TKT: variants seen among roughly 807,000 people sequenced by gnomAD.
The protein encoded by TKT is transketolase.
Under a neutral mutation model 63.9 loss-of-function variants are expected in TKT, and 47 were observed. The observed-to-expected ratio is 0.74, with a 90% CI of 0.58 to 0.94. The LOEUF is 0.94. Among genes scored for constraint, TKT ranks in the 40% least tolerant of loss-of-function variants. The pLI is 0.00. For synonymous variants in TKT, 338 were observed against 334.1 expected, an observed-to-expected ratio of 1.01 and a Z score of -0.13; for missense variants, 721 against 846.2, an observed-to-expected ratio of 0.85 and a Z score of 1.84.
chr3:53,245,448 C>T (rs1553680745), intron 1 of TKT, among the ~76,000 whole-genome samples: 1 of 152,132 alleles, frequency 6.6e-6, no homozygotes, highest in Non-Finnish European at 1.5e-5. Context: ...AAGAAAAGGC[C>T]AGAGAGGCTC....
intron 12 of TKT, chr3:53,227,608 C>T (rs782810542): frequency 4.9e-5 from 8 of 163,888 alleles, no homozygotes; most frequent in Non-Finnish European, 8.0e-5. Context: ...ACTGTGAGCT[C>T]GCAGTAATAA....
chr3:53,240,897 C>T (rs1245456966), intron 3 of TKT, among the ~76,000 whole-genome samples: 1 of 152,208 alleles, frequency 6.6e-6, no homozygotes, highest in African/African-American at 2.4e-5. Flanking sequence ...GAGGCCCTCC[C>T]TGAAGTCATC....
intron 1 of TKT, among the ~76,000 whole-genome samples, chr3:53,254,286 C>T (rs1207537653): frequency 1.3e-5 from 2 of 152,202 alleles, no homozygotes; most frequent in African/African-American, 4.8e-5. Flanking sequence ...TACCGTGTGC[C>T]AGGCTGGTGA....
chr3:53,228,726 C>T, intron 10 of TKT: 1 of 536,256 alleles, frequency 1.9e-6, no homozygotes, highest in Non-Finnish European at 3.3e-6. Flanking sequence ...TTGGAGAACC[C>T]AACTCAGGAG....
chr3:53,255,161 C>T (rs573325528), intron 1 of TKT, among the ~76,000 whole-genome samples: 2 of 152,378 alleles, frequency 1.3e-5, no homozygotes, highest in African/African-American at 4.8e-5. Flanking sequence ...CAATCAGCCC[C>T]GCCGCTGCCT....
At chr3:53,245,306 C>CAA (rs781814492) in intron 1 of TKT, among the ~76,000 whole-genome samples, 147 of 92,106 alleles carry the variant, frequency 1.6e-3, no homozygotes, top group Middle Eastern at 6.5e-3. Flanking sequence ...CACTCCATCT[C>CAA]AAAAAAAAAA....
At chr3:53,254,852 C>A in intron 1 of TKT, among the ~76,000 whole-genome samples, 1 of 152,220 alleles carries the variant, frequency 6.6e-6, no homozygotes, top group South Asian at 2.1e-4. Flanking sequence ...TCCCTGTCTC[C>A]GCTACAGAGG....
chr3:53,243,815 AG>A (rs1220535335), intron 1 of TKT, among the ~76,000 whole-genome samples: 2 of 152,124 alleles, frequency 1.3e-5, no homozygotes, highest in Non-Finnish European at 2.9e-5. Context: ...CCCGGCCCTG[AG>A]GGGTCCTGTT....
chr3:53,247,185 C>T (rs764745502), intron 1 of TKT, among the ~76,000 whole-genome samples: 30 of 151,546 alleles, frequency 2.0e-4, no homozygotes, highest in Non-Finnish European at 4.0e-4. Flanking sequence ...GGTGAAACCC[C>T]GTCTCTACTA....
intron 1 of TKT, 64 bp from the exon 2 acceptor site, chr3:53,242,306 C>A: frequency 1.3e-6 from 2 of 1,505,506 alleles, no homozygotes; most frequent in South Asian, 2.3e-5. Flanking sequence ...CTATTGTGCT[C>A]AGCTGTACAG....
intron 10 of TKT, chr3:53,228,795 G>A (rs1413799941): frequency 4.4e-6 from 3 of 681,202 alleles, no homozygotes; most frequent in Non-Finnish European, 7.3e-6. Context: ...AGCAGAGACA[G>A]ACTGGCAATC....
intron 4 of TKT, 79 bp from the exon 5 acceptor site, chr3:53,235,253 C>A (rs1704970479): frequency 7.4e-7 from 1 of 1,359,146 alleles, no homozygotes; most frequent in Admixed American, 3.0e-5. Flanking sequence ...ATCCAAGGAG[C>A]CTGCATTCTG....
chr3:53,252,703 G>T (rs1431303465), intron 1 of TKT, among the ~76,000 whole-genome samples: 1 of 152,074 alleles, frequency 6.6e-6, no homozygotes, highest in Non-Finnish European at 1.5e-5. Context: ...CACTCTTTTG[G>T]AGCACCCTAC....
chr3:53,226,937 G>T (rs1704526205), intron 12 of TKT, 59 bp from the exon 13 acceptor site: 14 of 1,543,756 alleles, frequency 9.1e-6, no homozygotes, highest in Middle Eastern at 1.7e-4. Flanking sequence ...TATCTGCCCT[G>T]GTGGGGGCCT....
chr3:53,234,510 T>C (rs73840274), intron 5 of TKT: 26,740 of 152,702 alleles, frequency 0.18, 2,455 homozygotes, highest in South Asian at 0.29. Flanking sequence ...TTGTAACCAA[T>C]CAAGGCCGAA....
chr3:53,244,554 G>A (rs965594844), intron 1 of TKT, among the ~76,000 whole-genome samples: 1 of 152,180 alleles, frequency 6.6e-6, no homozygotes, highest in East Asian at 1.9e-4. Flanking sequence ...CAAGAGGGGA[G>A]AAATACACCA....
chr3:53,240,196 C>T, intron 4 of TKT, 55 bp downstream of exon 4: 1 of 1,562,844 alleles, frequency 6.4e-7, no homozygotes, highest in East Asian at 2.3e-5. Flanking sequence ...GGTGGGTCAC[C>T]CAAGGACCAC....
Position 53,226,023 on chromosome 3 carries a change from A to C in TKT, c.1697-92T>G, listed in dbSNP as rs1294282840. ...TGTCAGCCTTAGTCAAGGATGGAGG[A>C]GGCTGCATATGCACTGCCTTTCTCC... On this transcript the variant is annotated intron_variant, in intron 13 of 13. Transcript: ENST00000462138. 6.2e-6 allele frequency: 8 copies of C among 1,288,856 alleles called. No individual in the cohort carries two copies. The African/African-American group carries it at 1.2e-4, about 19-fold the overall frequency. The allele number at this position is 1,288,856 out of a possible 1,614,324, so 79.8% of individuals were successfully genotyped here. A position where few individuals can be genotyped will look rare whatever the true frequency, so the allele number is the denominator to read the frequency against.
chr3:53,253,492 C>T (rs922941551), intron 1 of TKT, among the ~76,000 whole-genome samples: 48 of 152,214 alleles, frequency 3.2e-4, no homozygotes, highest in African/African-American at 1.1e-3. Context: ...AATGTTTGGC[C>T]GGGGGCAGTG....
Sources: allele counts gnomAD v4.1 joint callset (sites outside exome capture counted in the v4.1 genomes callset), GRCh38; gene constraint gnomAD v4.1.1; transcripts MANE v1.5; gene names NCBI Gene and HGNC (gene_info 2026-07-23, HGNC 2026-07-21).